The following GNAO1 variants were observed in gnomAD, a reference collection of about 807,000 sequenced individuals.
The protein encoded by GNAO1 is guanine nucleotide-binding protein G(o) subunit alpha.
For synonymous variants in GNAO1, 164 were observed against 180.7 expected (o/e 0.91, Z 0.74); for missense variants, 166 against 478.7 (o/e 0.35, Z 6.10).
At chr16:56,225,904 A>C (rs1267679996) in intron 2 of GNAO1, among the ~76,000 whole-genome samples, 1 of 152,000 alleles carries the variant, frequency 6.6e-6, no homozygotes. Context: ...AGCTTCCTGA[A>C]GGAATGAAAT....
intron 2 of GNAO1, among the ~76,000 whole-genome samples, chr16:56,241,611 AAAT>A (rs2036694672): frequency 6.6e-6 from 1 of 152,234 alleles, no homozygotes; most frequent in Admixed American, 6.5e-5. Flanking sequence ...AAATAATAAC[AAAT>A]AATAATAATA....
intron 2 of GNAO1, among the ~76,000 whole-genome samples, chr16:56,219,782 G>T (rs1183580996): frequency 6.6e-6 from 1 of 152,092 alleles, no homozygotes; most frequent in East Asian, 1.9e-4. Flanking sequence ...GAAACCCCCG[G>T]CCTGCAAAAT....
intron 2 of GNAO1, among the ~76,000 whole-genome samples, chr16:56,198,030 G>A (rs565486395): frequency 3.5e-4 from 53 of 152,194 alleles, no homozygotes; most frequent in Admixed American, 3.5e-3. Flanking sequence ...AGCTGGTGAA[G>A]GGGTGATTCC....
At chr16:56,344,800 A>C in intron 6 of GNAO1, 1 of 985,370 alleles carries the variant, frequency 1.0e-6, no homozygotes, top group Non-Finnish European at 1.2e-6. Context: ...AGGTGTGAAT[A>C]GATATGTTTT....
chr16:56,192,948 G>T (rs368792502), intron 2 of GNAO1: 1 of 251,652 alleles, frequency 4.0e-6, no homozygotes, highest in Non-Finnish European at 7.8e-6. Flanking sequence ...TATTTTCTGT[G>T]TCTCACTGCC....
chr16:56,298,847 G>A (rs956793641), intron 3 of GNAO1, among the ~76,000 whole-genome samples: 4 of 151,750 alleles, frequency 2.6e-5, no homozygotes, highest in East Asian at 1.9e-4. Flanking sequence ...CCCGGTAGGC[G>A]GAGCTTGCAG....
Position 56,242,844 on chromosome 16 carries a change from A to G in GNAO1, c.162-33087A>G, listed in dbSNP as rs551204501. Among the ~76,000 whole-genome samples the G allele has an allele frequency of 2.6e-5, 4 of 152,306 alleles. No homozygotes were observed. The East Asian group carries it at 5.8e-4, about 22-fold the overall frequency. On this transcript the variant is annotated intron_variant, in intron 2 of 8. Transcript: ENST00000262493. ...GTATGCTTTAGAGCAGTGGTCCCCA[A>G]CCCCTGGGCCACAGACTGGTGGGAA...
rs115366987 is a variant in GNAO1 at position 56,275,446 on chromosome 16, G to T, written c.162-485G>T. Among the ~76,000 whole-genome samples the T allele has an allele frequency of 5.6e-3, 853 of 152,274 alleles. 10 individuals carry two copies. Among genetic ancestry groups the T allele is most frequent in the African/African-American group, 0.02 (821 of 41,562 alleles). On this transcript the variant is annotated intron_variant, in intron 2 of 8. Transcript: ENST00000262493. ...CTTTTCTGTTGTCAAAGATAAAGAT[G>T]GTTATTTGTTTGTCTTAAGTGAATC...
At chr16:56,192,951 T>A in intron 2 of GNAO1, 2 of 250,882 alleles carry the variant, frequency 8.0e-6, no homozygotes, top group Non-Finnish European at 1.6e-5. Context: ...TTTCTGTGTC[T>A]CACTGCCTCC....
intron 2 of GNAO1, among the ~76,000 whole-genome samples, chr16:56,224,977 C>T (rs2036521943): frequency 1.3e-5 from 2 of 152,340 alleles, no homozygotes; most frequent in Admixed American, 6.5e-5. Flanking sequence ...GGGCTTCTGG[C>T]TCCACTGAGG....
intron 2 of GNAO1, among the ~76,000 whole-genome samples, chr16:56,261,263 T>C (rs1240888025): frequency 6.6e-6 from 1 of 152,200 alleles, no homozygotes; most frequent in Non-Finnish European, 1.5e-5. Flanking sequence ...TGAACTCTCC[T>C]AGGCAGGGAG....
chr16:56,241,915 C>T lies in GNAO1; in HGVS notation c.162-34016C>T, dbSNP rs561611530. On this transcript the variant is annotated intron_variant, in intron 2 of 8. Transcript: ENST00000262493. The stretch of plus-strand genomic sequence containing the variant: ...TGCTGGCAGAAACTGGCCTGAGCTG[C>T]AATGGGAAGCTACACTGGGAAGATG... Among the ~76,000 whole-genome samples the T allele has an allele frequency of 3.9e-5, 6 of 152,338 alleles. No homozygotes were observed. The South Asian group carries it at 1.2e-3, about 32-fold the overall frequency.
At chr16:56,204,658 C>A (rs149399858) in intron 2 of GNAO1, among the ~76,000 whole-genome samples, 1 of 152,144 alleles carries the variant, frequency 6.6e-6, no homozygotes, top group Non-Finnish European at 1.5e-5. Context: ...TTAGATAGTA[C>A]TGAGGAAAGA....
At chr16:56,324,777 C>T (rs749685007) in intron 3 of GNAO1, among the ~76,000 whole-genome samples, 31 of 152,250 alleles carry the variant, frequency 2.0e-4, no homozygotes, top group Non-Finnish European at 4.0e-4. Context: ...CCCTTGGATG[C>T]TGGGTCAGGT....
chr16:56,235,584 T>C lies in GNAO1; in HGVS notation c.162-40347T>C, dbSNP rs539172909. 4.1e-4 allele frequency among the ~76,000 whole-genome samples: 62 copies of C among 152,310 alleles called. No homozygotes were observed. The South Asian group carries it at 0.01, about 25-fold the overall frequency. On this transcript the variant is annotated intron_variant, in intron 2 of 8. Transcript: ENST00000262493. Reference sequence around the variant, plus strand: ...GCAGTGCTCCTAGGGGAATGCCTGCTGAGAGGGAGGCTTTCATTTAACATG... The same window carrying C: ...GCAGTGCTCCTAGGGGAATGCCTGCCGAGAGGGAGGCTTTCATTTAACATG...
At chr16:56,278,568 G>C (rs199620492) in intron 3 of GNAO1, among the ~76,000 whole-genome samples, 7 of 152,170 alleles carry the variant, frequency 4.6e-5, no homozygotes, top group African/African-American at 1.7e-4. Flanking sequence ...CTGCTGGTGT[G>C]GGGGCAGCTC....
Position 56,356,891 on chromosome 16 carries a change from T to C in GNAO1, c.*817T>C, listed in dbSNP as rs2037974172. On this transcript the variant is annotated 3_prime_UTR_variant, in exon 9 of 9. Transcript: ENST00000262493. ...TTTGGGAAACGGGTTGTGTTTTTTT[T>C]CCTTTGCCGTGTTGGATTTCCGGTC... The C allele has an allele frequency of 6.6e-6, 1 of 151,956 alleles. No homozygotes were observed. Among genetic ancestry groups the C allele is most frequent in the African/African-American group, 2.4e-5 (1 of 41,328 alleles). The allele number at this position is 151,956 out of a possible 1,614,324, so 9.4% of individuals were successfully genotyped here.
In GNAO1 at chr16:56,345,944, C is replaced by T. The variant is rs146314635; in HGVS notation, c.724-5440C>T. Reference sequence around the variant, plus strand: ...GGGCTGGAGGGCTCTCCATGTCCCCCAGCAGCCGCCCTCAGAACACAGTGG... The same window carrying T: ...GGGCTGGAGGGCTCTCCATGTCCCCTAGCAGCCGCCCTCAGAACACAGTGG... On this transcript the variant is annotated intron_variant, in intron 6 of 8. Coordinates refer to ENST00000262493, the MANE Select transcript of GNAO1 (RefSeq NM_020988.3). 33 of 985,560 alleles carry T rather than the reference C, an allele frequency of 3.3e-5. No individual in the cohort carries two copies. The East Asian group carries it at 2.3e-3, about 68-fold the overall frequency. The allele number at this position is 985,560 out of a possible 1,614,324, so 61.1% of individuals were successfully genotyped here.
chr16:56,264,235 CG>C (rs1192338438), intron 2 of GNAO1, among the ~76,000 whole-genome samples: 1 of 152,236 alleles, frequency 6.6e-6, no homozygotes, highest in Non-Finnish European at 1.5e-5. Flanking sequence ...GTTCAAGTCA[CG>C]ATATCTGTAA....
Sources: allele counts gnomAD v4.1 joint callset (sites outside exome capture counted in the v4.1 genomes callset), GRCh38; gene constraint gnomAD v4.1.1; transcripts MANE v1.5; gene names NCBI Gene and HGNC (gene_info 2026-07-23, HGNC 2026-07-21).